The following PHF19 variants were observed in gnomAD, a reference collection of about 807,000 sequenced individuals.
The protein encoded by PHF19 is polycomb like 3.
A neutral mutation model predicts 79.8 loss-of-function variants in PHF19; 21 were observed. The observed-to-expected ratio is 0.26, with a 90% CI of 0.19 to 0.38. PHF19 has a LOEUF of 0.38. PHF19 is among the 10% of genes least tolerant of loss of function. The pLI is 1.00. For missense variants in PHF19, 445 were observed against 744.2 expected (o/e 0.60, Z 4.68); for synonymous variants, 273 against 296.3 (o/e 0.92, Z 0.81).
Position 120,891,590 on chromosome 9 carries a change from C to T in PHF19, c.42+3198G>A, listed in dbSNP as rs2046344293. On this transcript the variant is annotated intron_variant, in intron 1 of 14. Coordinates refer to the PHF19 transcript ENST00000616568. This position sits in a 1 kb window ranked among gnomAD's most constrained non-coding sequence, Gnocchi z 4.3. The stretch of plus-strand genomic sequence containing the variant: ...TACAGCACACGACTCAAGACCCACC[C>T]AGCCACTTAGAGGAGCTGCACTCCA... Among the ~76,000 whole-genome samples, 3 of 152,196 alleles carry T rather than the reference C, an allele frequency of 2.0e-5. No homozygotes were observed. The highest frequency in any genetic ancestry group is 2.0e-4 in the Admixed American group (3 of 15,280).
chr9:120,858,003 C>A lies in PHF19; in HGVS notation c.1684G>T (p.Val562Phe). 1.9e-6 allele frequency: 3 copies of A among 1,613,962 alleles called. No individual in the cohort carries two copies. Among genetic ancestry groups the A allele is most frequent in the Non-Finnish European group, 1.7e-6 (2 of 1,179,878 alleles). ...GEKYQVLARRVTPEGKVQYLV... is the reference protein window; with the variant it reads ...GEKYQVLARRFTPEGKVQYLV... ...TACTGAACCTTGCCCTCAGGTGTGA[C>A]CCTCCGAGCCAACACCTGGTACTTC... The change falls in exon 15 of 15, where the codon GTC becomes TTC. Residue 562 changes from valine to phenylalanine, a missense_variant. Physicochemically the swap from Val to Phe is conservative, Grantham distance 50. Coordinates refer to ENST00000373896, the MANE Select transcript of PHF19 (RefSeq NM_015651.3).
chr9:120,878,317 C>A (rs149915951), upstream of PHF19, among the ~76,000 whole-genome samples: 47 of 152,298 alleles, frequency 3.1e-4, 1 homozygote, highest in East Asian at 9.1e-3. Context: ...ATCATAGGGA[C>A]CCTGCCCTGT....
chr9:120,870,607 T>A lies in PHF19; in HGVS notation c.269-69A>T. The stretch of plus-strand genomic sequence containing the variant: ...GGAAGTTTTATACTCACATTCCAGA[T>A]GCCCAGCCTCTAATGTCTGCTAGGC... On this transcript the variant is annotated intron_variant, in intron 3 of 14. Coordinates refer to ENST00000373896, the MANE Select transcript of PHF19 (RefSeq NM_015651.3). The surrounding 1 kb of genome is among the most constrained non-coding windows in gnomAD (Gnocchi z 4.4). The A allele has an allele frequency of 1.1e-6, 1 of 925,534 alleles. No individual in the cohort carries two copies. Among genetic ancestry groups the A allele is most frequent in the East Asian group, 2.4e-5 (1 of 41,666 alleles). The allele number at this position is 925,534 out of a possible 1,614,324, so 57.3% of individuals were successfully genotyped here. A position where few individuals can be genotyped will look rare whatever the true frequency, so the allele number is the denominator to read the frequency against.
At chr9:120,873,758 C>A (rs1476935628) in intron 3 of PHF19, among the ~76,000 whole-genome samples, 1 of 152,242 alleles carries the variant, frequency 6.6e-6, no homozygotes, top group Non-Finnish European at 1.5e-5. Flanking sequence ...CCCATCCTCC[C>A]TCCTGGGGTA....
upstream of PHF19, among the ~76,000 whole-genome samples, chr9:120,878,160 C>T (rs1480002722): frequency 2.0e-5 from 3 of 152,160 alleles, no homozygotes; most frequent in Admixed American, 2.0e-4. Flanking sequence ...CAACAAATTG[C>T]GTAGAGACAC....
chr9:120,893,436 T>G (rs1009207191), intron 1 of PHF19, among the ~76,000 whole-genome samples: 1 of 152,138 alleles, frequency 6.6e-6, no homozygotes, highest in African/African-American at 2.4e-5. Flanking sequence ...ATCACTCCCC[T>G]CTCAGCATGC....
At chr9:120,882,335 T>A (rs1233615998) in intron 1 of PHF19, among the ~76,000 whole-genome samples, 1 of 152,214 alleles carries the variant, frequency 6.6e-6, no homozygotes, top group East Asian at 1.9e-4. Context: ...TATGTTTTCT[T>A]TCAATTAAGG....
At chr9:120,876,984 C>T (rs1045981077) in intron 1 of PHF19, 107 bp downstream of exon 1, 3 of 958,530 alleles carry the variant, frequency 3.1e-6, no homozygotes, top group South Asian at 9.7e-5. Context: ...GTCTCACCCC[C>T]CGGAGGCGTT....
chr9:120,872,267 C>T (rs1419127856), intron 3 of PHF19, among the ~76,000 whole-genome samples: 1 of 152,310 alleles, frequency 6.6e-6, no homozygotes, highest in South Asian at 2.1e-4. Context: ...TCAATAACTA[C>T]AGTGGTGCTC....
In PHF19 at chr9:120,862,603, CCT is replaced by C; in HGVS notation, c.1113_1114del (p.Gly372LysfsTer20). Reference sequence around the variant, plus strand: ...GAGCACTGACCCAGGCTTGCTCTTTCCTCTCTTACGCAGCTCAGAGGAGGCGC... The same window carrying C: ...GAGCACTGACCCAGGCTTGCTCTTTCCTCTTACGCAGCTCAGAGGAGGCGC... On this transcript the variant is annotated frameshift_variant, in exon 11 of 15. Coordinates refer to ENST00000373896, the MANE Select transcript of PHF19 (RefSeq NM_015651.3). LOFTEE classifies it high-confidence loss of function. The surrounding 1 kb of genome is among the most constrained non-coding windows in gnomAD (Gnocchi z 4.6). 1.2e-6 allele frequency: 2 copies of C among 1,613,764 alleles called. No individual in the cohort carries two copies. The highest frequency in any genetic ancestry group is 1.7e-6 in the Non-Finnish European group (2 of 1,179,958).
At chr9:120,888,477 G>C (rs761601439) in intron 1 of PHF19, among the ~76,000 whole-genome samples, 11 of 152,162 alleles carry the variant, frequency 7.2e-5, no homozygotes, top group Non-Finnish European at 1.5e-4. Context: ...TAATTCTCAG[G>C]CCTTGGCAAG....
chr9:120,863,609 C>T (rs2045603543), intron 10 of PHF19, among the ~76,000 whole-genome samples: 1 of 152,176 alleles, frequency 6.6e-6, no homozygotes, highest in African/African-American at 2.4e-5. Flanking sequence ...CCTTGAGTGC[C>T]AGGTTCAGGA....
At chr9:120,861,279 T>C in intron 12 of PHF19, 105 bp from the exon 13 acceptor site, 1 of 771,656 alleles carries the variant, frequency 1.3e-6, no homozygotes, top group Non-Finnish European at 2.4e-6. Context: ...GGCTGGGCCC[T>C]CCCTAGGGTA....
chr9:120,863,099 C>A (rs1266384912), intron 10 of PHF19: 1 of 258,208 alleles, frequency 3.9e-6, no homozygotes, highest in Non-Finnish European at 7.7e-6. Context: ...CTACTTCATT[C>A]TGTTCTCTGG....
At position 120,866,323 on chromosome 9, in the gene PHF19, G is replaced by A. The variant is rs952038330; in HGVS notation, c.711-227C>T. ...TCCTTCCCAAATCTTGCCCTGAAGC[G>A]TGGCTGAGTTCACAGAGAGTGAGCT... On this transcript the variant is annotated intron_variant, in intron 7 of 14. Coordinates refer to ENST00000373896, the MANE Select transcript of PHF19 (RefSeq NM_015651.3). The surrounding 1 kb of genome is among the most constrained non-coding windows in gnomAD (Gnocchi z 5.2). Among the ~76,000 whole-genome samples, 12 of 152,120 alleles carry A rather than the reference G, an allele frequency of 7.9e-5. No individual in the cohort carries two copies. Among genetic ancestry groups the A allele is most frequent in the Admixed American group, 3.3e-4 (5 of 15,276 alleles).
At position 120,858,022 on chromosome 9, in the gene PHF19, G is replaced by A. The variant is rs576397040; in HGVS notation, c.1665C>T (p.Tyr555=). Residue 555 remains tyrosine, a synonymous_variant, in exon 15 of 15, where the codon TAC becomes TAT. Transcript: ENST00000373896. ...AAGRLACGEK[Y]QVLARRVTPE... ...GTGTGACCCTCCGAGCCAACACCTG[G>A]TACTTCTCCCCACAGGCCAACCGCC... is the stretch of plus-strand genomic sequence containing the variant. The A allele has an allele frequency of 1.2e-6, 2 of 1,614,100 alleles. No homozygotes were observed. The highest frequency in any genetic ancestry group is 1.3e-5 in the African/African-American group (1 of 75,062).
At position 120,858,285 on chromosome 9, in the gene PHF19, A is replaced by G; in HGVS notation, c.1402T>C (p.Trp468Arg). The G allele has an allele frequency of 6.6e-7, 1 of 1,526,698 alleles. No homozygotes were observed. Among genetic ancestry groups the G allele is most frequent in the Non-Finnish European group, 8.8e-7 (1 of 1,134,460 alleles). The allele number at this position is 1,526,698 out of a possible 1,614,324, so 94.6% of individuals were successfully genotyped here. Residue 468 changes from tryptophan (W) to arginine (R), a missense_variant and splice_region_variant, in exon 15 of 15, where the codon TGG becomes CGG. Around this residue, in one of 5 missense-constraint regions of PHF19, gnomAD observed 125 missense variants for 180.5 expected, o/e 0.69. Coordinates refer to ENST00000373896, the MANE Select transcript of PHF19 (RefSeq NM_015651.3). ...TTCCTCTTTCGGCTGCCCACTGTCCATCTGTATCAGAAGTGGGAGAGGAAG... is the reference window on the plus strand; with the variant it reads ...TTCCTCTTTCGGCTGCCCACTGTCCGTCTGTATCAGAAGTGGGAGAGGAAG... ...ASTSLSYDSR[W>R]TVGSRKRKLA...
At position 120,866,708 on chromosome 9, in the gene PHF19, G is replaced by A. The variant is rs924169501; in HGVS notation, c.710+162C>T. On this transcript the variant is annotated intron_variant, in intron 7 of 14. Transcript: ENST00000373896. This position sits in a 1 kb window ranked among gnomAD's most constrained non-coding sequence, Gnocchi z 5.2. ...TTGCCTCCTGGCCCTGCATAGCTAGGGGATCCCCTACCTTGAGCTGCCTCC... is the reference window on the plus strand; with the variant it reads ...TTGCCTCCTGGCCCTGCATAGCTAGAGGATCCCCTACCTTGAGCTGCCTCC... 6.6e-6 allele frequency among the ~76,000 whole-genome samples: 1 copy of A among 152,180 alleles called. No individual in the cohort carries two copies. The highest frequency in any genetic ancestry group is 2.4e-5 in the African/African-American group (1 of 41,424).
At chr9:120,859,489 C>T (rs1034407972) in intron 14 of PHF19, among the ~76,000 whole-genome samples, 8 of 152,138 alleles carry the variant, frequency 5.3e-5, no homozygotes, top group Non-Finnish European at 1.2e-4. Context: ...AGCTTGAGTG[C>T]AGAGGAAAGC....
Sources: gnomAD v4.1 joint callset for allele counts (sites outside exome capture counted in the v4.1 genomes callset) on GRCh38, gnomAD v4.1.1 for gene constraint, gnomAD v4.1.1 regional missense constraint, Gnocchi (gnomAD v3.1) non-coding constraint, MANE v1.5 for transcripts, NCBI Gene and HGNC (gene_info 2026-07-23, HGNC 2026-07-21) for gene names.